Variants in STAT3 observed in about 807,000 individuals in gnomAD.
The protein encoded by STAT3 is DNA-binding protein APRF.
In STAT3, 7 loss-of-function variants were observed where a neutral mutation model predicts 114.3. The observed-to-expected ratio is 0.06, with a 90% CI of 0.03 to 0.11. The LOEUF is 0.11. STAT3 is among the 10% of genes least tolerant of loss of function. The probability of loss-of-function intolerance (pLI) is 1.00; values close to 1 mark genes in which losing one functional copy is unlikely to be tolerated. For synonymous variants in STAT3, 331 were observed against 354.5 expected, an observed-to-expected ratio of 0.93 and a Z score of 0.74; for missense variants, 364 against 960.9, an observed-to-expected ratio of 0.38 and a Z score of 8.21.
chr17:42,325,123 C>T, intron 15 of STAT3, 62 bp from the exon 16 acceptor site: 1 of 1,495,348 alleles, frequency 6.7e-7, no homozygotes, highest in South Asian at 1.1e-5. Flanking sequence ...TTGGAAATCT[C>T]TTCACCCGCA....
intron 21 of STAT3, among the ~76,000 whole-genome samples, chr17:42,320,150 C>A (rs1266910523): frequency 6.6e-6 from 1 of 152,140 alleles, no homozygotes; most frequent in African/African-American, 2.4e-5. Context: ...GATCTCCCAA[C>A]TGAAGCACAC....
chr17:42,377,175 A>G (rs2084517462), intron 1 of STAT3, among the ~76,000 whole-genome samples: 1 of 152,188 alleles, frequency 6.6e-6, no homozygotes, highest in Non-Finnish European at 1.5e-5. Flanking sequence ...CAAATCATCT[A>G]TGCCTATCAT....
chr17:42,319,265 G>A (rs949180747), intron 21 of STAT3, among the ~76,000 whole-genome samples: 9 of 151,724 alleles, frequency 5.9e-5, no homozygotes, highest in African/African-American at 2.2e-4. Flanking sequence ...AACAAGGCTG[G>A]GCACTGTGGC....
intron 1 of STAT3, among the ~76,000 whole-genome samples, chr17:42,360,322 C>T (rs1465608755): frequency 2.0e-5 from 3 of 151,476 alleles, no homozygotes; most frequent in South Asian, 4.2e-4. Flanking sequence ...TGTGACCCAC[C>T]GTACCCAGCT....
intron 18 of STAT3, 64 bp from the exon 19 acceptor site, chr17:42,323,418 T>A (rs1232402031): frequency 6.3e-7 from 1 of 1,581,646 alleles, no homozygotes. Flanking sequence ...TTCCTAGGGG[T>A]GCAGTGCATC....
At chr17:42,380,371 C>G (rs2084712866) in intron 1 of STAT3, among the ~76,000 whole-genome samples, 1 of 150,280 alleles carries the variant, frequency 6.7e-6, no homozygotes, top group African/African-American at 2.5e-5. Flanking sequence ...GCGTTACCAC[C>G]CTAATTATGC....
chr17:42,316,847 TGAATCTAAAGTGCGGGGGGACATCGGCA>T lies in STAT3; in HGVS notation c.2171_2198del (p.Leu724HisfsTer2). 1 of 1,612,492 alleles carries T rather than the reference TGAATCTAAAGTGCGGGGGGACATCGGCA, an allele frequency of 6.2e-7. No homozygotes were observed. The highest frequency in any genetic ancestry group is 8.5e-7 in the Non-Finnish European group (1 of 1,179,756). On this transcript the variant is annotated frameshift_variant, in exon 23 of 24. Coordinates refer to ENST00000264657, the MANE Select transcript of STAT3 (RefSeq NM_139276.3). LOFTEE classifies it high-confidence loss of function. ...CACCATTATTTCCAAACTGCATCAA[TGAATCTAAAGTGCGGGGGGACATCGGCA>T]GGTCAATGGTATTGCTGCAGGTCGT...
At chr17:42,374,187 A>C (rs979785130) in intron 1 of STAT3, 2 of 152,220 alleles carry the variant, frequency 1.3e-5, no homozygotes, top group Non-Finnish European at 2.9e-5. Context: ...CCCACAATGT[A>C]AGTGAAGTGG....
chr17:42,334,076 A>AT (rs1476082852), intron 8 of STAT3, 27 bp from the exon 9 acceptor site: 8 of 1,613,718 alleles, frequency 5.0e-6, no homozygotes, highest in Non-Finnish European at 6.8e-6. Flanking sequence ...AAAGATGCTA[A>AT]TTACCAAAGT....
At chr17:42,370,059 C>T (rs918630031) in intron 1 of STAT3, among the ~76,000 whole-genome samples, 2 of 151,966 alleles carry the variant, frequency 1.3e-5, no homozygotes, top group East Asian at 1.9e-4. Context: ...GTAACCTCCA[C>T]CTCCTGGTTC....
chr17:42,330,909 A>T (rs2081985744), intron 11 of STAT3, among the ~76,000 whole-genome samples: 1 of 152,194 alleles, frequency 6.6e-6, no homozygotes. Context: ...CAACAACAAA[A>T]TGCATATATG....
Position 42,337,643 on chromosome 17 carries a change from A to G in STAT3, c.646-57T>C. 1.2e-6 allele frequency: 2 copies of G among 1,614,080 alleles called. No homozygotes were observed. The highest frequency in any genetic ancestry group is 1.7e-6 in the Non-Finnish European group (2 of 1,179,954). ...ATTTCCTCAGACTGTCTCTAACCAC[A>G]TTCTTTAGTCAACTCCAGAGCAGGA... On this transcript the variant is annotated intron_variant, in intron 7 of 23. Transcript: ENST00000264657. This position sits in a 1 kb window ranked among gnomAD's most constrained non-coding sequence, Gnocchi z 4.0.
At position 42,373,272 on chromosome 17, in the gene STAT3, C is replaced by A. The variant is rs1343104346; in HGVS notation, c.-24+15007G>T. Reference sequence around the variant, plus strand: ...GGCTGAGGCAGGAGAATCACTTGAACCTGGGAGGCGGAGGTTGCAGTGAGC... The same window carrying A: ...GGCTGAGGCAGGAGAATCACTTGAAACTGGGAGGCGGAGGTTGCAGTGAGC... On this transcript the variant is annotated intron_variant, in intron 1 of 23. Transcript: ENST00000264657. Among the ~76,000 whole-genome samples, 6 of 152,216 alleles carry A rather than the reference C, an allele frequency of 3.9e-5. No homozygotes were observed. In the East Asian group the frequency reaches 1.2e-3, roughly 29 times the overall value.
intron 6 of STAT3, 104 bp downstream of exon 6, chr17:42,338,627 C>A: frequency 8.7e-7 from 1 of 1,150,512 alleles, no homozygotes; most frequent in Non-Finnish European, 1.3e-6. Context: ...TCCCTTGCGC[C>A]CCGCCCGCCT....
intron 1 of STAT3, among the ~76,000 whole-genome samples, chr17:42,360,904 G>C (rs190500459): frequency 7.6e-4 from 115 of 152,182 alleles, no homozygotes; most frequent in Admixed American, 1.4e-3. Context: ...TGAATATTTT[G>C]CTCAGCAAGA....
intron 4 of STAT3, 118 bp from the exon 5 acceptor site, chr17:42,339,527 A>G: frequency 2.1e-6 from 2 of 955,434 alleles, no homozygotes; most frequent in African/African-American, 3.2e-5. Context: ...CGCTGCTGCC[A>G]TCACAAGAGG....
At chr17:42,349,903 A>C (rs1440229986) in intron 1 of STAT3, among the ~76,000 whole-genome samples, 1 of 152,174 alleles carries the variant, frequency 6.6e-6, no homozygotes, top group East Asian at 1.9e-4. Flanking sequence ...CTAAAAACAC[A>C]AAATTAGCCA....
chr17:42,345,438 T>C lies in STAT3; in HGVS notation c.372+121A>G, dbSNP rs2082653720. 8 of 839,478 alleles carry C rather than the reference T, an allele frequency of 9.5e-6. No homozygotes were observed. In the South Asian group the frequency reaches 1.2e-4, roughly 13 times the overall value. The allele number at this position is 839,478 out of a possible 1,614,324, so 52.0% of individuals were successfully genotyped here. A position where few individuals can be genotyped will look rare whatever the true frequency, so the allele number is the denominator to read the frequency against. On this transcript the variant is annotated intron_variant, in intron 4 of 23. Transcript: ENST00000264657. The stretch of plus-strand genomic sequence containing the variant: ...AGAGTTTTTCAATGTATTTTTATGA[T>C]TATTGATCTATTTAATTTCTTTTCC...
chr17:42,316,065 T>C, intron 23 of STAT3: 1 of 1,395,770 alleles, frequency 7.2e-7, no homozygotes, highest in Non-Finnish European at 9.3e-7. Flanking sequence ...TGAGATCTTC[T>C]GCCCTTGATC....
Sources: gnomAD v4.1 joint callset for allele counts (sites outside exome capture counted in the v4.1 genomes callset) on GRCh38, gnomAD v4.1.1 for gene constraint, Gnocchi (gnomAD v3.1) non-coding constraint, MANE v1.5 for transcripts, NCBI Gene and HGNC (gene_info 2026-07-23, HGNC 2026-07-21) for gene names.